Variants in ABCA8 observed in about 807,000 individuals in gnomAD.
The protein encoded by ABCA8 is ABC-type organic anion transporter ABCA8.
A neutral mutation model predicts 192.3 loss-of-function variants in ABCA8; 177 were observed. The ratio of observed to expected loss-of-function variants is 0.92; its 90% CI spans 0.81 to 1.04. ABCA8 has a LOEUF of 1.04. Among genes scored for constraint, ABCA8 ranks in the 50% least tolerant of loss-of-function variants. The probability of loss-of-function intolerance (pLI) is 0.00; values close to 1 mark genes in which losing one functional copy is unlikely to be tolerated. For synonymous variants in ABCA8, 642 were observed against 690.2 expected (o/e 0.93, Z 1.09); for missense variants, 1,915 against 1,904.8 (o/e 1.01, Z -0.10).
At position 68,903,323 on chromosome 17, in the gene ABCA8, C is replaced by G. The variant is rs757295132; in HGVS notation, c.2575G>C (p.Glu859Gln). Reference sequence around the variant, plus strand: ...TACAGTGCTAAAAGAGCTTTTCTTTCATGCTTTAACTTTAACAAGCGAACC... The same window carrying G: ...TACAGTGCTAAAAGAGCTTTTCTTTGATGCTTTAACTTTAACAAGCGAACC... ...ARVRLLKLKH[E>Q]RKALLALLLI... The change falls in exon 20 of 40, where the codon GAA becomes CAA. Residue 859 changes from glutamate to glutamine, a missense_variant. Physicochemically the swap from Glu to Gln is conservative, Grantham distance 29. Coordinates refer to ENST00000586539, the MANE Select transcript of ABCA8 (RefSeq NM_001288985.2). The G allele has an allele frequency of 4.3e-6, 7 of 1,614,026 alleles. No individual in the cohort carries two copies. In the African/African-American group the frequency reaches 9.3e-5, roughly 22 times the overall value.
chr17:68,919,615 A>G (rs1364734181), intron 13 of ABCA8, 139 bp from the exon 14 acceptor site: 5 of 711,590 alleles, frequency 7.0e-6, no homozygotes, highest in Non-Finnish European at 9.0e-6. Flanking sequence ...TTAGTTGCAT[A>G]GTATATTCAA....
chr17:68,910,908 C>G (rs977928053), intron 17 of ABCA8, among the ~76,000 whole-genome samples: 1 of 152,182 alleles, frequency 6.6e-6, no homozygotes, highest in African/African-American at 2.4e-5. Context: ...GACTAAAGAA[C>G]TTTTGGGCCT....
At chr17:68,885,150 TG>T in intron 27 of ABCA8, 45 bp downstream of exon 27, 1 of 1,566,270 alleles carries the variant, frequency 6.4e-7, no homozygotes, top group African/African-American at 1.4e-5. Context: ...GCTTCACAAT[TG>T]GTCATGAGTT....
chr17:68,953,963 G>T (rs912246674), intron 1 of ABCA8, among the ~76,000 whole-genome samples: 9 of 152,184 alleles, frequency 5.9e-5, no homozygotes, highest in Admixed American at 2.6e-4. Context: ...CCTACAGAGA[G>T]GGCAAAAGTT....
At chr17:68,944,359 T>TATATACACACAC (rs765731645) in intron 2 of ABCA8, among the ~76,000 whole-genome samples, 2 of 69,482 alleles carry the variant, frequency 2.9e-5, no homozygotes, top group African/African-American at 1.1e-4. Context: ...TATATATATA[T>TATATACACACAC]ACACATATAC....
At chr17:68,909,471 G>A (rs2067179630) in intron 17 of ABCA8, among the ~76,000 whole-genome samples, 1 of 152,128 alleles carries the variant, frequency 6.6e-6, no homozygotes. Context: ...TGCACAAATA[G>A]GAGTCCATGA....
intron 7 of ABCA8, among the ~76,000 whole-genome samples, chr17:68,931,569 G>A (rs1389778916): frequency 1.3e-5 from 2 of 151,692 alleles, no homozygotes; most frequent in Non-Finnish European, 2.9e-5. Flanking sequence ...AATATTATTC[G>A]TAATGGAAGT....
intron 32 of ABCA8, 28 bp downstream of exon 32, chr17:68,881,092 T>A (rs2066324651): frequency 6.9e-7 from 1 of 1,449,118 alleles, no homozygotes; most frequent in South Asian, 1.1e-5. Flanking sequence ...CACCATTAGA[T>A]AACATATTTT....
At chr17:68,923,511 G>A (rs755730499) in intron 11 of ABCA8, among the ~76,000 whole-genome samples, 7 of 152,070 alleles carry the variant, frequency 4.6e-5, no homozygotes, top group African/African-American at 9.6e-5. Context: ...AAACTGTCTC[G>A]TTAAATATTC....
At chr17:68,937,137 T>C in intron 4 of ABCA8, 22 bp from the exon 5 acceptor site, 1 of 1,562,708 alleles carries the variant, frequency 6.4e-7, no homozygotes, top group Non-Finnish European at 8.6e-7. Context: ...AGAAGGAATA[T>C]TATTGTTAGT....
chr17:68,878,738 T>C (rs1304099332), intron 32 of ABCA8: 1 of 152,252 alleles, frequency 6.6e-6, no homozygotes, highest in African/African-American at 2.4e-5. Context: ...AGGGTGTCCA[T>C]GATTGAAGTT....
At chr17:68,891,654 G>T in intron 23 of ABCA8, 58 bp from the exon 24 acceptor site, 2 of 1,328,524 alleles carry the variant, frequency 1.5e-6, no homozygotes, top group Non-Finnish European at 1.0e-6. Context: ...TAATTTTCTG[G>T]AATACATTTT....
intron 12 of ABCA8, 45 bp from the exon 13 acceptor site, chr17:68,921,537 G>A: frequency 1.5e-6 from 2 of 1,299,428 alleles, no homozygotes; most frequent in Non-Finnish European, 2.2e-6. Context: ...ATAAAGGGAT[G>A]GAAAACAATT....
chr17:68,932,209 C>CA (rs4148017), intron 7 of ABCA8, 79 bp downstream of exon 7: 48,153 of 849,584 alleles, frequency 0.057, 1 homozygote, highest in South Asian at 0.068. Context: ...GACTCCATTT[C>CA]AAAAAAAAAA....
chr17:68,897,551 G>A (rs368763721), intron 21 of ABCA8, among the ~76,000 whole-genome samples: 30 of 152,270 alleles, frequency 2.0e-4, no homozygotes, highest in African/African-American at 7.0e-4. Flanking sequence ...AGACTTCAAG[G>A]CAGGTATTGT....
intron 26 of ABCA8, chr17:68,886,755 A>C (rs887012048): frequency 1.0e-5 from 2 of 194,980 alleles, no homozygotes; most frequent in African/African-American, 4.7e-5. Context: ...TCCTGAAATC[A>C]TAGGAAATTA....
chr17:68,915,604 T>G (rs2067335226), intron 17 of ABCA8, among the ~76,000 whole-genome samples: 2 of 152,240 alleles, frequency 1.3e-5, no homozygotes, highest in African/African-American at 4.8e-5. Flanking sequence ...AGAATGGCTT[T>G]TATCCAAAAG....
intron 25 of ABCA8, 93 bp from the exon 26 acceptor site, chr17:68,887,223 A>G (rs1379741407): frequency 4.5e-6 from 6 of 1,347,846 alleles, no homozygotes; most frequent in Non-Finnish European, 6.1e-6. Flanking sequence ...CCAGGATTTT[A>G]TAGTTCTTTA....
chr17:68,902,802 G>A lies in ABCA8; in HGVS notation c.2675C>T (p.Thr892Ile), dbSNP rs1371865287. The A allele has an allele frequency of 2.5e-6, 4 of 1,613,520 alleles. No individual in the cohort carries two copies. In the African/African-American group the frequency reaches 5.3e-5, roughly 22 times the overall value. Residue 892 changes from threonine (T) to isoleucine (I), a missense_variant, in exon 21 of 40, where the codon ACC becomes ATC. By Grantham distance (89) the Thr-to-Ile change is moderately conservative. Coordinates refer to ENST00000586539, the MANE Select transcript of ABCA8 (RefSeq NM_001288985.2). ...ATACAAATGAGGAGAAAGTTCCCAG[G>A]TGTAACTGTTTTGATATATTTTCAC... The part of the protein sequence containing the change: ...TMVKIYQNSY[T>I]WELSPHLYFL...
Sources: gnomAD v4.1 joint callset for allele counts (sites outside exome capture counted in the v4.1 genomes callset) on GRCh38, gnomAD v4.1.1 for gene constraint, MANE v1.5 for transcripts, NCBI Gene and HGNC (gene_info 2026-07-23, HGNC 2026-07-21) for gene names.